The following PARD3 variants were observed in gnomAD, a reference collection of about 807,000 sequenced individuals.
PARD3 encodes the protein partitioning defective 3 homolog.
In PARD3, 75 loss-of-function variants were observed where a neutral mutation model predicts 155.4. The ratio of observed to expected loss-of-function variants is 0.48; its 90% confidence interval spans 0.40 to 0.58. The LOEUF (loss-of-function observed/expected upper bound fraction) is 0.58. Among genes scored for constraint, PARD3 ranks in the 20% least tolerant of loss-of-function variants. The probability of loss-of-function intolerance (pLI) is 0.00; values close to 1 mark genes in which losing one functional copy is unlikely to be tolerated. For synonymous variants in PARD3, 576 were observed against 610.5 expected (o/e 0.94, Z 0.83); for missense variants, 1,642 against 1,721.7 (o/e 0.95, Z 0.82).
intron 20 of PARD3, among the ~76,000 whole-genome samples, chr10:34,303,822 G>A (rs1336261417): frequency 6.6e-6 from 1 of 152,164 alleles, no homozygotes; most frequent in Non-Finnish European, 1.5e-5. Context: ...GGCTGAGGTG[G>A]AGAGGAAGAC....
chr10:34,419,231 A>G (rs559955464), intron 5 of PARD3, among the ~76,000 whole-genome samples: 1 of 152,204 alleles, frequency 6.6e-6, no homozygotes, highest in Non-Finnish European at 1.5e-5. Context: ...TAATGCAAAG[A>G]AACAGGCCAG....
chr10:34,808,999 G>A (rs1466987647), intron 1 of PARD3, among the ~76,000 whole-genome samples: 2 of 152,130 alleles, frequency 1.3e-5, no homozygotes, highest in East Asian at 1.9e-4. Flanking sequence ...CTTGAACCTC[G>A]CCCAAGGCGA....
chr10:34,531,545 A>T (rs1046956233), intron 2 of PARD3, among the ~76,000 whole-genome samples: 13 of 152,188 alleles, frequency 8.5e-5, no homozygotes, highest in Non-Finnish European at 4.4e-5. Flanking sequence ...CCGCATTTTC[A>T]ATATGAGATG....
At chr10:34,510,492 A>T (rs1401924973) in intron 3 of PARD3, among the ~76,000 whole-genome samples, 1 of 152,270 alleles carries the variant, frequency 6.6e-6, no homozygotes, top group Admixed American at 6.5e-5. Context: ...ATATATTAAT[A>T]ATCACACAGT....
intron 5 of PARD3, among the ~76,000 whole-genome samples, chr10:34,435,386 G>T (rs368995903): frequency 2.6e-5 from 4 of 152,096 alleles, no homozygotes; most frequent in Non-Finnish European, 5.9e-5. Flanking sequence ...TACCAGCCAG[G>T]ACTTCCAAAT....
At chr10:34,372,994 T>C (rs191867587) in intron 11 of PARD3, among the ~76,000 whole-genome samples, 1 of 152,058 alleles carries the variant, frequency 6.6e-6, no homozygotes. Flanking sequence ...AACATGATTT[T>C]TTTTTCCTAT....
intron 19 of PARD3, among the ~76,000 whole-genome samples, chr10:34,318,934 T>A (rs1564579976): frequency 6.8e-6 from 1 of 147,546 alleles, no homozygotes; most frequent in East Asian, 2.0e-4. Flanking sequence ...CCCAGCTAAT[T>A]TTTTGTATTT....
chr10:34,385,884 C>T (rs1283490939), intron 7 of PARD3, among the ~76,000 whole-genome samples: 3 of 152,112 alleles, frequency 2.0e-5, no homozygotes, highest in African/African-American at 7.2e-5. Flanking sequence ...TGAATGAAGG[C>T]ATGATTGAGG....
At chr10:34,501,491 T>G (rs781294484) in intron 3 of PARD3, among the ~76,000 whole-genome samples, 8 of 152,202 alleles carry the variant, frequency 5.3e-5, no homozygotes, top group Non-Finnish European at 1.2e-4. Context: ...CAGTCCCAGG[T>G]ATTTCTTTAT....
chr10:34,589,146 G>C, intron 2 of PARD3, among the ~76,000 whole-genome samples: 1 of 152,172 alleles, frequency 6.6e-6, no homozygotes, highest in Non-Finnish European at 1.5e-5. Context: ...CAGCCTGTGA[G>C]ATTACATAGT....
At chr10:34,699,341 A>C (rs2094231578) in intron 1 of PARD3, among the ~76,000 whole-genome samples, 1 of 152,180 alleles carries the variant, frequency 6.6e-6, no homozygotes, top group South Asian at 2.1e-4. Flanking sequence ...AAAAATAATA[A>C]ATAAAACATA....
intron 1 of PARD3, among the ~76,000 whole-genome samples, chr10:34,805,906 G>C (rs181764980): frequency 6.6e-6 from 1 of 151,956 alleles, no homozygotes; most frequent in East Asian, 2.0e-4. Context: ...GAACCTAGGA[G>C]GTGGAGCTTG....
At chr10:34,431,416 C>T (rs545274783) in intron 5 of PARD3, among the ~76,000 whole-genome samples, 1 of 152,164 alleles carries the variant, frequency 6.6e-6, no homozygotes, top group South Asian at 2.1e-4. Context: ...GAGATGATGC[C>T]TAAAAAAGTT....
intron 3 of PARD3, among the ~76,000 whole-genome samples, chr10:34,482,749 G>A (rs948868373): frequency 3.9e-5 from 6 of 152,040 alleles, no homozygotes; most frequent in African/African-American, 1.4e-4. Context: ...GCTGAGACCA[G>A]GGGAATATAA....
chr10:34,595,699 C>A (rs921769240), intron 2 of PARD3, among the ~76,000 whole-genome samples: 2 of 151,922 alleles, frequency 1.3e-5, no homozygotes, highest in African/African-American at 4.8e-5. Flanking sequence ...GAAACAGACA[C>A]AAAATAAAAT....
chr10:34,639,310 C>G (rs2092589638), intron 2 of PARD3, among the ~76,000 whole-genome samples: 1 of 151,684 alleles, frequency 6.6e-6, no homozygotes, highest in Non-Finnish European at 1.5e-5. Context: ...GTAGGAGAAT[C>G]CCTTGAACAC....
chr10:34,420,017 T>C (rs1240945268), intron 5 of PARD3, among the ~76,000 whole-genome samples: 1 of 152,252 alleles, frequency 6.6e-6, no homozygotes, highest in Non-Finnish European at 1.5e-5. Context: ...AATGGCACAA[T>C]CTTGGCATAC....
chr10:34,711,264 A>G (rs2094445526), intron 1 of PARD3, among the ~76,000 whole-genome samples: 1 of 152,144 alleles, frequency 6.6e-6, no homozygotes, highest in Admixed American at 6.5e-5. Context: ...TCACACCTAT[A>G]ATCCCAGCAC....
chr10:34,274,070 G>A (rs1293066401), intron 21 of PARD3, among the ~76,000 whole-genome samples: 1 of 152,150 alleles, frequency 6.6e-6, no homozygotes, highest in Non-Finnish European at 1.5e-5. Flanking sequence ...CTCTCTAGGA[G>A]AACCTTATTT....
Sources: gnomAD v4.1 joint callset for allele counts (sites outside exome capture counted in the v4.1 genomes callset) on GRCh38, gnomAD v4.1.1 for gene constraint, MANE v1.5 for transcripts, NCBI Gene and HGNC (gene_info 2026-07-23, HGNC 2026-07-21) for gene names.